The following AKAP19 variants were observed in gnomAD, a reference collection of about 807,000 sequenced individuals.
AKAP19 encodes small A-kinase anchoring protein.
the AKAP19 span, among the ~76,000 whole-genome samples, chr2:189,919,366 G>A: frequency 1.3e-5 from 2 of 151,770 alleles, no homozygotes; most frequent in Admixed American, 1.3e-4. Flanking sequence ...TTAATTAATT[G>A]TGTACTTTTA....
At chr2:190,187,778 C>CAGG in the AKAP19 span, among the ~76,000 whole-genome samples, 1 of 152,176 alleles carries the variant, frequency 6.6e-6, no homozygotes, top group African/African-American at 2.4e-5. Flanking sequence ...AGTTTGAACC[C>CAGG]AGGAGTTCGA....
At chr2:190,094,338 T>A in the AKAP19 span, among the ~76,000 whole-genome samples, 19 of 152,234 alleles carry the variant, frequency 1.2e-4, no homozygotes, top group Non-Finnish European at 2.5e-4. Flanking sequence ...ATTTCTGATC[T>A]TTTCAGCAGT....
At chr2:190,187,452 C>G in the AKAP19 span, among the ~76,000 whole-genome samples, 3 of 146,752 alleles carry the variant, frequency 2.0e-5, no homozygotes, top group East Asian at 6.0e-4. Context: ...GGGTCCAACT[C>G]ATGTCCAAAT....
the AKAP19 span, among the ~76,000 whole-genome samples, chr2:189,974,878 G>C: frequency 2.0e-5 from 3 of 152,092 alleles, no homozygotes; most frequent in Admixed American, 2.0e-4. Flanking sequence ...GTGTATCTCT[G>C]CACGTGAGAT....
At chr2:190,093,564 G>A in the AKAP19 span, among the ~76,000 whole-genome samples, 1 of 152,188 alleles carries the variant, frequency 6.6e-6, no homozygotes, top group Non-Finnish European at 1.5e-5. Context: ...TAACATTATA[G>A]AAATAAAGAT....
the AKAP19 span, among the ~76,000 whole-genome samples, chr2:190,094,946 CG>C: frequency 6.6e-6 from 1 of 152,134 alleles, no homozygotes; most frequent in Non-Finnish European, 1.5e-5. Flanking sequence ...GTAAATAGGC[CG>C]GGCGCGGTGG....
the AKAP19 span, among the ~76,000 whole-genome samples, chr2:189,949,588 G>A: frequency 2.0e-5 from 3 of 147,060 alleles, no homozygotes; most frequent in African/African-American, 7.5e-5. Flanking sequence ...GGTCAATTAT[G>A]TATGCATAGG....
At chr2:190,194,477 T>TAC in the AKAP19 span, among the ~76,000 whole-genome samples, 14,685 of 141,272 alleles carry the variant, frequency 0.1, 735 homozygotes, top group East Asian at 0.22. Flanking sequence ...ATCCTGTGTA[T>TAC]ACACACACAC....
the AKAP19 span, among the ~76,000 whole-genome samples, chr2:190,012,132 A>T: frequency 6.6e-6 from 1 of 151,992 alleles, no homozygotes; most frequent in African/African-American, 2.4e-5. Flanking sequence ...AGTTTTCAGT[A>T]TACAGATTTT....
At chr2:190,037,660 C>T in the AKAP19 span, among the ~76,000 whole-genome samples, 1 of 152,188 alleles carries the variant, frequency 6.6e-6, no homozygotes, top group African/African-American at 2.4e-5. Flanking sequence ...TAAGGCTCAG[C>T]TAATACCCAA....
At chr2:189,962,062 T>C in the AKAP19 span, among the ~76,000 whole-genome samples, 24 of 152,340 alleles carry the variant, frequency 1.6e-4, no homozygotes, top group South Asian at 4.1e-3. Context: ...TAAAATACAG[T>C]CATGTGACAC....
At chr2:190,065,257 A>G in the AKAP19 span, among the ~76,000 whole-genome samples, 43 of 152,166 alleles carry the variant, frequency 2.8e-4, no homozygotes, top group South Asian at 5.0e-3. Context: ...GAAAGCTGCA[A>G]TGGAAAGTAG....
chr2:190,116,800 C>G, the AKAP19 span, among the ~76,000 whole-genome samples: 1 of 152,170 alleles, frequency 6.6e-6, no homozygotes. Context: ...TATTCTTAAA[C>G]TCTTGTATGG....
At chr2:190,180,905 G>A in the AKAP19 span, 1 of 985,376 alleles carries the variant, frequency 1.0e-6, no homozygotes, top group Non-Finnish European at 1.2e-6. The surrounding 1 kb of genome is among the most constrained non-coding windows in gnomAD (Gnocchi z 6.8). Context: ...CGAGAAGGCG[G>A]CGCCGCTGCC....
At chr2:190,106,457 T>G in the AKAP19 span, among the ~76,000 whole-genome samples, 1 of 152,294 alleles carries the variant, frequency 6.6e-6, no homozygotes, top group South Asian at 2.1e-4. Context: ...ATCCTAATTC[T>G]GCTTGTCCAC....
the AKAP19 span, among the ~76,000 whole-genome samples, chr2:189,894,225 T>C: frequency 3.3e-5 from 5 of 152,224 alleles, no homozygotes; most frequent in Admixed American, 2.0e-4. Flanking sequence ...CAGATACTTA[T>C]ATACAGAATC....
At chr2:190,082,175 A>G in the AKAP19 span, among the ~76,000 whole-genome samples, 3 of 152,204 alleles carry the variant, frequency 2.0e-5, no homozygotes, top group South Asian at 2.1e-4. Flanking sequence ...CATTTTTCTA[A>G]CATGGATCCC....
the AKAP19 span, among the ~76,000 whole-genome samples, chr2:190,038,914 T>TTCTTCTTCTTCTTCC: frequency 9.5e-5 from 12 of 126,984 alleles, no homozygotes; most frequent in Non-Finnish European, 1.6e-4. Flanking sequence ...CTTCTTCTTC[T>TTCTTCTTCTTCTTCC]TCTTCTTCTT....
the AKAP19 span, among the ~76,000 whole-genome samples, chr2:190,097,859 CAAAAAAA>C: frequency 3.1e-5 from 2 of 64,526 alleles, no homozygotes; most frequent in East Asian, 4.0e-4. Flanking sequence ...TGGTTTCTAC[CAAAAAAA>C]AAAAAAAAAA....
Sources: allele counts gnomAD v4.1 joint callset (sites outside exome capture counted in the v4.1 genomes callset), GRCh38; gene constraint gnomAD v4.1.1; non-coding constraint Gnocchi (gnomAD v3.1); transcripts MANE v1.5; gene names NCBI Gene and HGNC (gene_info 2026-07-23, HGNC 2026-07-21).